The following LINGO2 variants were observed in gnomAD, a reference collection of about 807,000 sequenced individuals.
LINGO2 encodes the protein leucine rich repeat and Ig domain containing 2.
LINGO2 carries 14 observed loss-of-function variants against 30.6 expected under a neutral mutation model. The ratio of observed to expected loss-of-function variants is 0.46; its 90% CI spans 0.30 to 0.72. LINGO2 has a LOEUF of 0.72. Ranked by LOEUF, LINGO2 falls within the 30% of genes least tolerant of loss-of-function variation. The probability of loss-of-function intolerance (pLI) is 0.07; values close to 1 mark genes in which losing one functional copy is unlikely to be tolerated. For synonymous variants in LINGO2, 317 were observed against 288.5 expected (o/e 1.10, Z -1.00); for missense variants, 729 against 751.7 (o/e 0.97, Z 0.35).
chr9:28,002,103 A>G (rs1821988413), intron 5 of LINGO2, among the ~76,000 whole-genome samples: 1 of 152,246 alleles, frequency 6.6e-6, no homozygotes, highest in Non-Finnish European at 1.5e-5. Flanking sequence ...GATCAATCAG[A>G]TTGAATATTA....
the LINGO2 span, among the ~76,000 whole-genome samples, chr9:28,798,376 T>G: frequency 3.1e-3 from 476 of 152,158 alleles, 4 homozygotes; most frequent in African/African-American, 0.011. Flanking sequence ...AGTAGAGAAG[T>G]TGACCTTAGC....
chr9:28,685,421 G>T, the LINGO2 span, among the ~76,000 whole-genome samples: 1 of 152,116 alleles, frequency 6.6e-6, no homozygotes, highest in Non-Finnish European at 1.5e-5. Context: ...AAAAATAGAT[G>T]TACTTTGCAA....
intron 1 of LINGO2, among the ~76,000 whole-genome samples, chr9:28,505,059 T>G (rs888437942): frequency 6.6e-6 from 1 of 151,848 alleles, no homozygotes. Flanking sequence ...AGAGGGATTT[T>G]GATGCCATGC....
At chr9:28,006,275 G>C (rs1017389215) in intron 5 of LINGO2, among the ~76,000 whole-genome samples, 3 of 152,022 alleles carry the variant, frequency 2.0e-5, no homozygotes, top group Non-Finnish European at 2.9e-5. Context: ...ATGGGGAAAA[G>C]AGCCACAGAA....
intron 1 of LINGO2, among the ~76,000 whole-genome samples, chr9:28,549,665 GTATCTTTT>G (rs1310320600): frequency 6.6e-6 from 1 of 151,670 alleles, no homozygotes; most frequent in Non-Finnish European, 1.5e-5. Context: ...ACTAATAGTA[GTATCTTTT>G]TAAATGATAG....
At chr9:28,782,486 T>C in the LINGO2 span, among the ~76,000 whole-genome samples, 35 of 152,250 alleles carry the variant, frequency 2.3e-4, no homozygotes, top group African/African-American at 6.7e-4. Context: ...AGGGAAATGA[T>C]AACAAGAGTA....
At chr9:28,233,868 G>C (rs1821463311) in intron 4 of LINGO2, among the ~76,000 whole-genome samples, 1 of 152,134 alleles carries the variant, frequency 6.6e-6, no homozygotes, top group Non-Finnish European at 1.5e-5. Context: ...GAAGTGAAGG[G>C]CCTGGTCTTG....
At chr9:28,065,801 C>T (rs1263488007) in intron 4 of LINGO2, among the ~76,000 whole-genome samples, 3 of 151,998 alleles carry the variant, frequency 2.0e-5, no homozygotes, top group Non-Finnish European at 4.4e-5. Flanking sequence ...TAATTGTTAT[C>T]AATCATAATG....
chr9:28,183,726 A>C (rs77729981), intron 4 of LINGO2, among the ~76,000 whole-genome samples: 1,902 of 152,252 alleles, frequency 0.012, 45 homozygotes, highest in African/African-American at 0.042. Flanking sequence ...GTGTCTCTGA[A>C]AGGAATTATA....
chr9:28,332,181 T>C (rs1825444564), intron 3 of LINGO2, among the ~76,000 whole-genome samples: 1 of 152,058 alleles, frequency 6.6e-6, no homozygotes, highest in African/African-American at 2.4e-5. Flanking sequence ...TTCAATCTCT[T>C]TTTAGAATTT....
intron 4 of LINGO2, among the ~76,000 whole-genome samples, chr9:28,037,756 T>C (rs1304321067): frequency 6.6e-6 from 1 of 152,216 alleles, no homozygotes; most frequent in African/African-American, 2.4e-5. Flanking sequence ...AACTCAAATA[T>C]GGATCACAAA....
chr9:29,046,378 C>T, the LINGO2 span, among the ~76,000 whole-genome samples: 5 of 152,076 alleles, frequency 3.3e-5, no homozygotes, highest in South Asian at 2.1e-4. Context: ...ACCAAAACAG[C>T]ACAATACTTG....
intron 4 of LINGO2, among the ~76,000 whole-genome samples, chr9:28,016,365 C>A (rs1822837784): frequency 6.6e-6 from 1 of 152,082 alleles, no homozygotes; most frequent in South Asian, 2.1e-4. Context: ...GCTACAAACC[C>A]TTTTATCTTC....
At chr9:28,975,234 G>T in the LINGO2 span, among the ~76,000 whole-genome samples, 3 of 151,602 alleles carry the variant, frequency 2.0e-5, no homozygotes, top group Admixed American at 2.0e-4. Flanking sequence ...GAAAAGCAGA[G>T]AAAAAAAACC....
intron 1 of LINGO2, among the ~76,000 whole-genome samples, chr9:28,638,558 G>T (rs1054502947): frequency 6.6e-6 from 1 of 152,144 alleles, no homozygotes; most frequent in Admixed American, 6.6e-5. Context: ...GAGGGGGTAT[G>T]TGTCGAGGAA....
At chr9:29,127,633 T>TAAAA in the LINGO2 span, among the ~76,000 whole-genome samples, 2 of 152,054 alleles carry the variant, frequency 1.3e-5, no homozygotes, top group African/African-American at 4.8e-5. Context: ...TTTTCTTTTT[T>TAAAA]AATCTTTCAG....
chr9:28,117,407 G>A (rs1461184467), intron 4 of LINGO2, among the ~76,000 whole-genome samples: 3 of 116,952 alleles, frequency 2.6e-5, no homozygotes, highest in East Asian at 5.1e-4. Flanking sequence ...TACAGAGGCA[G>A]GCAGGCCTCC....
Position 28,348,458 on chromosome 9 carries a change from C to T in LINGO2, c.-246+24378G>A, listed in dbSNP as rs113569423. Among the ~76,000 whole-genome samples, 910 of 152,290 alleles carry T rather than the reference C, an allele frequency of 6.0e-3. 22 individuals are homozygous for T. The highest frequency in any genetic ancestry group is 0.02 in the African/African-American group (825 of 41,550). ...TTTCTGACAGGCTTAAAAAACGGCA[C>T]ACCACGAGATTATATCCTGCACCTG... is the stretch of plus-strand genomic sequence containing the variant. On this transcript the variant is annotated intron_variant, in intron 3 of 5. Transcript: ENST00000379992.
the LINGO2 span, among the ~76,000 whole-genome samples, chr9:29,126,032 T>C: frequency 6.6e-6 from 1 of 152,284 alleles, no homozygotes; most frequent in Non-Finnish European, 1.5e-5. Context: ...ATTAGAAATC[T>C]GCTTAAATGA....
Sources: gnomAD v4.1 joint callset for allele counts (sites outside exome capture counted in the v4.1 genomes callset) on GRCh38, gnomAD v4.1.1 for gene constraint, MANE v1.5 for transcripts, NCBI Gene and HGNC (gene_info 2026-07-23, HGNC 2026-07-21) for gene names.